RXRG: variants seen among roughly 807,000 people sequenced by gnomAD.
RXRG encodes the protein retinoic acid receptor RXR-gamma.
RXRG carries 19 observed loss-of-function variants against 49.2 expected under a neutral mutation model. That is an observed-to-expected ratio of 0.39 (90% CI 0.27 to 0.57). The LOEUF is 0.57. Among genes scored for constraint, RXRG ranks in the 20% least tolerant of loss-of-function variants. The pLI is 0.64. For synonymous variants in RXRG, 224 were observed against 216.6 expected, an observed-to-expected ratio of 1.03 and a Z score of -0.30; for missense variants, 452 against 592.5, an observed-to-expected ratio of 0.76 and a Z score of 2.46.
intron 1 of RXRG, among the ~76,000 whole-genome samples, chr1:165,434,271 C>CGTGTGTGTGTGT (rs1491363219): frequency 1.5e-3 from 180 of 120,776 alleles, no homozygotes; most frequent in African/African-American, 6.5e-3. Flanking sequence ...CAATGAATTG[C>CGTGTGTGTGTGT]ATGTGTGTAT....
At chr1:165,409,949 C>CTT (rs3835578) in intron 6 of RXRG, among the ~76,000 whole-genome samples, 22 of 149,104 alleles carry the variant, frequency 1.5e-4, no homozygotes, top group Admixed American at 4.0e-4. Context: ...GACAAGGATT[C>CTT]TTTTTTTTTT....
At chr1:165,424,824 A>C in intron 2 of RXRG, 2 of 985,508 alleles carry the variant, frequency 2.0e-6, no homozygotes, top group Non-Finnish European at 2.4e-6. Context: ...TGAGGAAGGC[A>C]GGATGCATAG....
At chr1:165,413,182 G>A (rs1017731817) in intron 4 of RXRG, among the ~76,000 whole-genome samples, 1 of 151,978 alleles carries the variant, frequency 6.6e-6, no homozygotes, top group East Asian at 1.9e-4. Flanking sequence ...GTTATTGGGG[G>A]GTAGCTTCTA....
chr1:165,401,054 C>T lies in RXRG; in HGVS notation c.*209G>A, dbSNP rs1054183212. Reference sequence around the variant, plus strand: ...AGAACTTCCAGAAAGTCTCCCAGCCCTGTAGACAGCAAAGCGTATTACCTT... The same window carrying T: ...AGAACTTCCAGAAAGTCTCCCAGCCTTGTAGACAGCAAAGCGTATTACCTT... On this transcript the variant is annotated 3_prime_UTR_variant, in exon 10 of 10. Coordinates refer to ENST00000359842, the MANE Select transcript of RXRG (RefSeq NM_006917.5). 1 of 525,088 alleles carries T rather than the reference C, an allele frequency of 1.9e-6. No individual in the cohort carries two copies. Among genetic ancestry groups the T allele is most frequent in the Non-Finnish European group, 3.3e-6 (1 of 301,546 alleles). The allele number at this position is 525,088 out of a possible 1,614,324, so 32.5% of individuals were successfully genotyped here. A position where few individuals can be genotyped will look rare whatever the true frequency, so the allele number is the denominator to read the frequency against.
chr1:165,419,461 G>A (rs920051017), intron 3 of RXRG, among the ~76,000 whole-genome samples: 1 of 151,848 alleles, frequency 6.6e-6, no homozygotes, highest in Non-Finnish European at 1.5e-5. Context: ...CGTGATCATG[G>A]CTCACTGCAG....
At chr1:165,428,044 G>A (rs1321756594) in intron 2 of RXRG, among the ~76,000 whole-genome samples, 1 of 152,222 alleles carries the variant, frequency 6.6e-6, no homozygotes, top group East Asian at 1.9e-4. Context: ...ACCACTACAA[G>A]ATGGGAAGGA....
chr1:165,419,951 T>A lies in RXRG; in HGVS notation c.361A>T (p.Ile121Phe). Residue 121 changes from isoleucine to phenylalanine, a missense_variant, in exon 3 of 10, where the codon ATT becomes TTT. Physicochemically the swap from Ile to Phe is conservative, Grantham distance 21. This residue lies in a region of RXRG where 166 missense variants were observed against 151.7 expected (regional missense o/e 1.09). Coordinates refer to ENST00000359842, the MANE Select transcript of RXRG (RefSeq NM_006917.5). ...DIKPLPGLPG[I>F]GNMNYPSTSP... ...GTGGATGGGTAGTTCATGTTTCCAA[T>A]CCCGGGAAGCCCTGGTAAGGGCTTG... 1 of 1,613,374 alleles carries A rather than the reference T, an allele frequency of 6.2e-7. No homozygotes were observed. The highest frequency in any genetic ancestry group is 1.1e-5 in the South Asian group (1 of 90,888).
At chr1:165,424,739 A>G (rs1319219086) in intron 2 of RXRG, 30 of 983,066 alleles carry the variant, frequency 3.1e-5, no homozygotes, top group Non-Finnish European at 3.6e-5. Context: ...TCACCCCCCA[A>G]ATTGTACTTA....
chr1:165,427,751 C>A (rs1220652849), intron 2 of RXRG, among the ~76,000 whole-genome samples: 2 of 152,150 alleles, frequency 1.3e-5, no homozygotes, highest in East Asian at 3.8e-4. Context: ...CTGAATCAGT[C>A]ATGGTTTTCT....
chr1:165,426,742 G>T (rs1359681576), intron 2 of RXRG, among the ~76,000 whole-genome samples: 1 of 152,106 alleles, frequency 6.6e-6, no homozygotes, highest in Non-Finnish European at 1.5e-5. Context: ...GGAGGTGTGT[G>T]TGTATATATA....
At position 165,445,095 on chromosome 1, in the gene RXRG, C is replaced by A; in HGVS notation, c.-202G>T. On this transcript the variant is annotated 5_prime_UTR_variant, in exon 1 of 10. Coordinates refer to ENST00000359842, the MANE Select transcript of RXRG (RefSeq NM_006917.5). ...TCTAGATCGGAGAGTCCACATAGTG[C>A]GTTTGAGACGGCTGTGGCGGCAGCA... The A allele has an allele frequency of 1.7e-6, 1 of 575,460 alleles. No individual in the cohort carries two copies. Among genetic ancestry groups the A allele is most frequent in the South Asian group, 2.3e-5 (1 of 43,374 alleles). The allele number at this position is 575,460 out of a possible 1,614,324, so 35.6% of individuals were successfully genotyped here. A position where few individuals can be genotyped will look rare whatever the true frequency, so the allele number is the denominator to read the frequency against.
chr1:165,444,879 A>G lies in RXRG; in HGVS notation c.15T>C (p.Tyr5=). The G allele has an allele frequency of 2.5e-6, 4 of 1,614,190 alleles. No homozygotes were observed. The highest frequency in any genetic ancestry group is 2.5e-6 in the Non-Finnish European group (3 of 1,180,004). The change falls in exon 1 of 10, where the codon TAT becomes TAC. Residue 5 remains tyrosine (Y), a synonymous_variant. Coordinates refer to ENST00000359842, the MANE Select transcript of RXRG (RefSeq NM_006917.5). ...CTGCGGGAAACTTCATGAAGTGAGAATAATTTCCATACATGTTTACTCGTC... is the reference window on the plus strand; with the variant it reads ...CTGCGGGAAACTTCATGAAGTGAGAGTAATTTCCATACATGTTTACTCGTC... MYGN[Y]SHFMKFPAGY... is the part of the protein sequence containing the mutation.
chr1:165,424,759 C>T, intron 2 of RXRG: 2 of 985,442 alleles, frequency 2.0e-6, no homozygotes, highest in Non-Finnish European at 2.4e-6. Flanking sequence ...ACGCGAGAAC[C>T]AGGTCACAGA....
intron 3 of RXRG, among the ~76,000 whole-genome samples, chr1:165,417,977 G>T (rs1658180392): frequency 6.6e-6 from 1 of 151,892 alleles, no homozygotes. Flanking sequence ...CGCGCATGGT[G>T]GCACATGCCT....
intron 4 of RXRG, among the ~76,000 whole-genome samples, chr1:165,414,142 T>G (rs1418750933): frequency 6.6e-6 from 1 of 152,212 alleles, no homozygotes; most frequent in Non-Finnish European, 1.5e-5. Flanking sequence ...TTGATTCACT[T>G]CTTTGCCTTC....
chr1:165,423,950 T>C (rs554053147), intron 2 of RXRG, among the ~76,000 whole-genome samples: 1 of 152,262 alleles, frequency 6.6e-6, no homozygotes, highest in South Asian at 2.1e-4. Flanking sequence ...AATTCAGTTA[T>C]CAATAAATAT....
intron 1 of RXRG, chr1:165,437,030 T>C: frequency 8.1e-7 from 1 of 1,233,490 alleles, no homozygotes; most frequent in Non-Finnish European, 1.0e-6. Flanking sequence ...TCTAGGCTGG[T>C]TGCCTGGGTT....
chr1:165,401,882 T>A (rs1657584360), intron 9 of RXRG, among the ~76,000 whole-genome samples: 1 of 152,176 alleles, frequency 6.6e-6, no homozygotes, highest in South Asian at 2.1e-4. Flanking sequence ...ACTCTAGCCA[T>A]CATGCCATCA....
chr1:165,413,931 T>A (rs1444980096), intron 4 of RXRG, among the ~76,000 whole-genome samples: 5 of 152,238 alleles, frequency 3.3e-5, no homozygotes, highest in Non-Finnish European at 7.4e-5. Context: ...GTAAATTCTG[T>A]ACCTACCCCA....
Sources: allele counts gnomAD v4.1 joint callset (sites outside exome capture counted in the v4.1 genomes callset), GRCh38; gene constraint gnomAD v4.1.1; regional missense constraint gnomAD v4.1.1; transcripts MANE v1.5; gene names NCBI Gene and HGNC (gene_info 2026-07-23, HGNC 2026-07-21).